ARHGAP33: variants seen among roughly 807,000 people sequenced by gnomAD.
ARHGAP33 encodes the protein Rho GTPase activating protein 33, also known as rho GTPase-activating protein 33.
ARHGAP33 carries 57 observed loss-of-function variants against 126.2 expected under a neutral mutation model. That is an observed-to-expected ratio of 0.45 (90% CI 0.36 to 0.56). The LOEUF (loss-of-function observed/expected upper bound fraction) is 0.56, where lower values mean the gene tolerates loss of function less well. Ranked by LOEUF, ARHGAP33 falls within the 20% of genes least tolerant of loss-of-function variation. The probability of loss-of-function intolerance (pLI) is 0.00; values close to 1 mark genes in which losing one functional copy is unlikely to be tolerated. For synonymous variants in ARHGAP33, 711 were observed against 755.0 expected, an observed-to-expected ratio of 0.94 and a Z score of 0.95; for missense variants, 1,500 against 1,748.3, an observed-to-expected ratio of 0.86 and a Z score of 2.53.
intron 9 of ARHGAP33, 49 bp from the exon 10 acceptor site, chr19:35,780,708 C>T (rs778355568): frequency 2.3e-5 from 37 of 1,612,458 alleles, no homozygotes; most frequent in South Asian, 4.4e-5. Context: ...GGGCCTCCTG[C>T]GTCTTTTGCC....
At chr19:35,785,550 T>G (rs1443104648) in intron 19 of ARHGAP33, 67 bp downstream of exon 19, 1 of 1,598,364 alleles carries the variant, frequency 6.3e-7, no homozygotes. Context: ...ATTGGGGCCC[T>G]GGTTTGGCCT....
rs986412396 is a variant in ARHGAP33 at position 35,775,568 on chromosome 19, T to C, written c.-91T>C. 7.2e-7 allele frequency: 1 copy of C among 1,390,024 alleles called. No individual in the cohort carries two copies. The highest frequency in any genetic ancestry group is 9.3e-7 in the Non-Finnish European group (1 of 1,072,138). 86.1% of individuals were successfully genotyped at this position (1,390,024 alleles called of 1,614,324 possible). A position where few individuals can be genotyped will look rare whatever the true frequency, so the allele number is the denominator to read the frequency against. On this transcript the variant is annotated 5_prime_UTR_variant, in exon 1 of 21. Coordinates refer to ENST00000007510, the MANE Select transcript of ARHGAP33 (RefSeq NM_001366178.1). ...AGCCGCCCGCGCGCGGCTCGCGCCC[T>C]CCCCTTTGTGTCGCCATGGCGGCGG...
Position 35,782,920 on chromosome 19 carries a change from C to T in ARHGAP33, c.1421+51C>T. The T allele has an allele frequency of 6.8e-7, 1 of 1,475,178 alleles. No individual in the cohort carries two copies. Among genetic ancestry groups the T allele is most frequent in the Non-Finnish European group, 9.3e-7 (1 of 1,077,598 alleles). The allele number at this position is 1,475,178 out of a possible 1,614,324, so 91.4% of individuals were successfully genotyped here. A position where few individuals can be genotyped will look rare whatever the true frequency, so the allele number is the denominator to read the frequency against. ...CCCTCAGGTCTTTCCCCAAAACCACCCCAGGAACCCGCCCAGCTTTTCTTT... is the reference window on the plus strand; with the variant it reads ...CCCTCAGGTCTTTCCCCAAAACCACTCCAGGAACCCGCCCAGCTTTTCTTT... On this transcript the variant is annotated intron_variant, in intron 15 of 20. Coordinates refer to ENST00000007510, the MANE Select transcript of ARHGAP33 (RefSeq NM_001366178.1). The surrounding 1 kb of genome is among the most constrained non-coding windows in gnomAD (Gnocchi z 4.1).
chr19:35,784,172 G>C lies in ARHGAP33; in HGVS notation c.1422G>C (p.Arg474=). ...LAIVWAPNLL[R]SMELESVGMG... ...CCTCCCTCCCGCTCCTCCCACCCAG[G>C]TCCATGGAGCTGGAGTCAGTGGGAA... The change falls in exon 16 of 21, where the codon CGG becomes CGC. Residue 474 remains arginine, a splice_region_variant and synonymous_variant. Coordinates refer to ENST00000007510, the MANE Select transcript of ARHGAP33 (RefSeq NM_001366178.1). 6.2e-7 allele frequency: 1 copy of C among 1,609,316 alleles called. No individual in the cohort carries two copies.
intron 15 of ARHGAP33, 52 bp from the exon 16 acceptor site, chr19:35,784,120 C>G (rs1170482928): frequency 2.6e-6 from 4 of 1,532,136 alleles, no homozygotes; most frequent in East Asian, 4.7e-5. Context: ...CCTGCCAGAA[C>G]CTGCTGGCTG....
chr19:35,781,641 G>C (rs1971785851), intron 12 of ARHGAP33, among the ~76,000 whole-genome samples: 1 of 152,208 alleles, frequency 6.6e-6, no homozygotes, highest in African/African-American at 2.4e-5. Context: ...AGGGAGGCCT[G>C]CAGTTTTGGA....
At chr19:35,777,525 TTCA>T in intron 1 of ARHGAP33, 117 bp from the exon 2 acceptor site, 1 of 777,680 alleles carries the variant, frequency 1.3e-6, no homozygotes, top group Non-Finnish European at 2.2e-6. Context: ...GCCATCCTGC[TTCA>T]TGCTCAGGGC....
At position 35,785,462 on chromosome 19, in the gene ARHGAP33, T is replaced by C; in HGVS notation, c.1921T>C (p.Ser641Pro). The change falls in exon 19 of 21, where the codon TCA becomes CCA. Residue 641 changes from serine (S) to proline (P), a missense_variant. By Grantham distance (74) the Ser-to-Pro change is moderately conservative (BLOSUM62 -1). Coordinates refer to ENST00000007510, the MANE Select transcript of ARHGAP33 (RefSeq NM_001366178.1). ...ATCTGCCAAGAGCGAGGAGTCTCTG[T>C]CATCGCAGGCCAGCGGGGCTGGTGA... Reference protein sequence around the residue: ...LRSAKSEESLSSQASGAGLQR... With the variant: ...LRSAKSEESLPSQASGAGLQR... The C allele has an allele frequency of 6.2e-7, 1 of 1,614,140 alleles. No homozygotes were observed. Among genetic ancestry groups the C allele is most frequent in the Non-Finnish European group, 8.5e-7 (1 of 1,180,014 alleles).
chr19:35,784,207 C>G lies in ARHGAP33; in HGVS notation c.1457C>G (p.Ala486Gly). ...CTGGAGTCAGTGGGAATGGGTGGCG[C>G]GGCGGCGTTCCGGGAAGTTCGGGTG... ...MELESVGMGG[A>G]AAFREVRVQS... Residue 486 changes from alanine to glycine, a missense_variant, in exon 16 of 21, where the codon GCG (alanine) becomes GGG (glycine). Coordinates refer to ENST00000007510, the MANE Select transcript of ARHGAP33 (RefSeq NM_001366178.1). The G allele has an allele frequency of 6.2e-7, 1 of 1,611,956 alleles. No homozygotes were observed. The highest frequency in any genetic ancestry group is 8.5e-7 in the Non-Finnish European group (1 of 1,178,832).
Position 35,785,439 on chromosome 19 carries a change from C to T in ARHGAP33, c.1898C>T (p.Ser633Phe). Residue 633 changes from serine to phenylalanine, a missense_variant, in exon 19 of 21, where the codon TCT becomes TTT. Physicochemically the swap from Ser to Phe is radical, Grantham distance 155. Coordinates refer to ENST00000007510, the MANE Select transcript of ARHGAP33 (RefSeq NM_001366178.1). ...GSRPDTVTLR[S>F]AKSEESLSSQ... Reference sequence around the variant, plus strand: ...AGACCCGACACCGTCACACTGAGATCTGCCAAGAGCGAGGAGTCTCTGTCA... The same window carrying T: ...AGACCCGACACCGTCACACTGAGATTTGCCAAGAGCGAGGAGTCTCTGTCA... 1.2e-6 allele frequency: 2 copies of T among 1,614,222 alleles called. No individual in the cohort carries two copies. The highest frequency in any genetic ancestry group is 1.7e-6 in the Non-Finnish European group (2 of 1,180,034).
At position 35,786,961 on chromosome 19, in the gene ARHGAP33, A is replaced by C; in HGVS notation, c.2491A>C (p.Ser831Arg). 1 of 1,610,718 alleles carries C rather than the reference A, an allele frequency of 6.2e-7. No individual in the cohort carries two copies. The highest frequency in any genetic ancestry group is 8.5e-7 in the Non-Finnish European group (1 of 1,179,310). Residue 831 changes from serine to arginine, a missense_variant, in exon 20 of 21, where the codon AGC becomes CGC. Around this residue, in one of 6 missense-constraint regions of ARHGAP33, gnomAD observed 642 missense variants for 634.0 expected, o/e 1.01. Coordinates refer to ENST00000007510, the MANE Select transcript of ARHGAP33 (RefSeq NM_001366178.1). This position sits in a 1 kb window ranked among gnomAD's most constrained non-coding sequence, Gnocchi z 7.0. The part of the protein sequence containing the change: ...TPTPALSPGR[S>R]LRPHLIPLLL... ...AACACCAGCTCTCAGCCCCGGCCGGAGCCTGCGCCCCCATCTCATACCCCT... is the reference window on the plus strand; with the variant it reads ...AACACCAGCTCTCAGCCCCGGCCGGCGCCTGCGCCCCCATCTCATACCCCT...
At chr19:35,779,699 G>T (rs1971646950) in intron 6 of ARHGAP33, among the ~76,000 whole-genome samples, 1 of 152,120 alleles carries the variant, frequency 6.6e-6, no homozygotes, top group Non-Finnish European at 1.5e-5. Flanking sequence ...AAAGTGTTGG[G>T]ATTATAGGCA....
chr19:35,779,267 C>T (rs963538023), intron 6 of ARHGAP33, 143 bp downstream of exon 6: 6 of 629,672 alleles, frequency 9.5e-6, no homozygotes, highest in South Asian at 5.9e-5. Flanking sequence ...TCTGTGTGGG[C>T]GCATGCCTGT....
Position 35,788,324 on chromosome 19 carries a change from G to A in ARHGAP33, c.3759G>A (p.Leu1253=), listed in dbSNP as rs748747603. ...GRGGELHRGS[L]YRNGGQRGEG... is the part of the protein sequence containing the mutation. Reference sequence around the variant, plus strand: ...GGGGCGAGCTCCACCGAGGGTCCTTGTACAGAAATGGAGGGCAAAGAGGGG... The same window carrying A: ...GGGGCGAGCTCCACCGAGGGTCCTTATACAGAAATGGAGGGCAAAGAGGGG... The change falls in exon 21 of 21, where the codon TTG becomes TTA. Residue 1253 remains leucine, a synonymous_variant. Transcript: ENST00000007510. The A allele has an allele frequency of 6.2e-7, 1 of 1,608,820 alleles. No homozygotes were observed. The highest frequency in any genetic ancestry group is 8.5e-7 in the Non-Finnish European group (1 of 1,178,488).
In ARHGAP33 at chr19:35,787,263, A is replaced by ATGGCCC; in HGVS notation, c.2709_2714dup (p.Leu904_Ala905dup). On this transcript the variant is annotated inframe_insertion, in exon 21 of 21. Coordinates refer to ENST00000007510, the MANE Select transcript of ARHGAP33 (RefSeq NM_001366178.1). ...GCCCCCTAAGAACCCAGCACGCCTC[A>ATGGCCC]TGGCCCTGGCCCTGGCTGAGCGGGC... 4 of 1,611,350 alleles carry ATGGCCC rather than the reference A, an allele frequency of 2.5e-6. No individual in the cohort carries two copies. Among genetic ancestry groups the ATGGCCC allele is most frequent in the Non-Finnish European group, 3.4e-6 (4 of 1,179,268 alleles).
rs747542545 is a variant in ARHGAP33, at chr19:35,778,329, A to T, written c.239A>T (p.Glu80Val). The part of the protein sequence containing the change: ...REGPSLSGEN[E>V]LVFGVQVTCQ... ...GGGCCCAGCCTCTCTGGAGAGAATG[A>T]GCTGGTGTTCGGGGTGCAGGTGACC... The change falls in exon 4 of 21, where the codon GAG becomes GTG. Residue 80 changes from glutamate to valine, a missense_variant. Transcript: ENST00000007510. 2.3e-5 allele frequency: 37 copies of T among 1,614,008 alleles called. No individual in the cohort carries two copies. Among genetic ancestry groups the T allele is most frequent in the Non-Finnish European group, 3.1e-5 (36 of 1,180,018 alleles).
chr19:35,777,713 G>C lies in ARHGAP33; in HGVS notation c.75G>C (p.Gly25=). 3 of 1,607,062 alleles carry C rather than the reference G, an allele frequency of 1.9e-6. No homozygotes were observed. The highest frequency in any genetic ancestry group is 8.5e-7 in the Non-Finnish European group (1 of 1,176,842). Residue 25 remains glycine (G), a synonymous_variant, in exon 2 of 21, where the codon GGG becomes GGC. Coordinates refer to ENST00000007510, the MANE Select transcript of ARHGAP33 (RefSeq NM_001366178.1). ...GSVQPLPTAG[G]PSVKGKPGKR... ...TGCAGCCTCTACCCACTGCTGGGGG[G>C]CCCAGTGTGAAGGGGAAGCCTGGGA...
rs1226640067 is a variant in ARHGAP33, at chr19:35,787,308, CAG to C, written c.2746_2747del (p.Ser916ProfsTer60). 6.2e-7 allele frequency: 1 copy of C among 1,612,454 alleles called. No individual in the cohort carries two copies. On this transcript the variant is annotated frameshift_variant, in exon 21 of 21. Coordinates refer to ENST00000007510, the MANE Select transcript of ARHGAP33 (RefSeq NM_001366178.1). LOFTEE classifies it high-confidence loss of function. ...GCGGGCTCAGCAGGTGGCCGAGCAA[CAG>C]AGCCAGCAGGAGTGTGGGGGCACCC... The part of the protein sequence containing the change: ...AERAQQVAEQ[Q>X]SQQECGGTPP...
rs183484711 is a variant in ARHGAP33 at position 35,788,517 on chromosome 19, C to T, written c.*88C>T. 1.9e-5 allele frequency: 23 copies of T among 1,201,212 alleles called. No individual in the cohort carries two copies. Among genetic ancestry groups the T allele is most frequent in the Middle Eastern group, 2.8e-4 (1 of 3,530 alleles). 74.4% of individuals were successfully genotyped at this position (1,201,212 alleles called of 1,614,324 possible). ...ATCCCTTGTTTTGTATTTTCTTGAACCCCGACCACTACCCCAGGTTTCTAA... is the reference window on the plus strand; with the variant it reads ...ATCCCTTGTTTTGTATTTTCTTGAATCCCGACCACTACCCCAGGTTTCTAA... On this transcript the variant is annotated 3_prime_UTR_variant, in exon 21 of 21. Transcript: ENST00000007510.
Sources: gnomAD v4.1 joint callset for allele counts (sites outside exome capture counted in the v4.1 genomes callset) on GRCh38, gnomAD v4.1.1 for gene constraint, gnomAD v4.1.1 regional missense constraint, Gnocchi (gnomAD v3.1) non-coding constraint, MANE v1.5 for transcripts, NCBI Gene and HGNC (gene_info 2026-07-23, HGNC 2026-07-21) for gene names.